The following FCHSD1 variants were observed in gnomAD, a reference collection of about 807,000 sequenced individuals.
The protein encoded by FCHSD1 is FCH and double SH3 domains 1.
FCHSD1 carries 109 observed loss-of-function variants against 101.3 expected under a neutral mutation model. The ratio of observed to expected loss-of-function variants is 1.08; its 90% CI spans 0.92 to 1.26. The LOEUF is 1.26. Ranked by LOEUF, FCHSD1 falls within the 50% of genes most tolerant of loss-of-function variation. The pLI is 0.00. For synonymous variants in FCHSD1, 291 were observed against 356.8 expected (o/e 0.82, Z 2.08); for missense variants, 820 against 895.8 (o/e 0.92, Z 1.08).
chr5:141,649,065 AAT>A lies in FCHSD1; in HGVS notation c.513-47_513-46del. 3.1e-6 allele frequency: 5 copies of A among 1,613,786 alleles called. No homozygotes were observed. The highest frequency in any genetic ancestry group is 1.3e-5 in the African/African-American group (1 of 74,998). On this transcript the variant is annotated intron_variant, in intron 6 of 19. Coordinates refer to ENST00000435817, the MANE Select transcript of FCHSD1 (RefSeq NM_033449.3). This position sits in a 1 kb window ranked among gnomAD's most constrained non-coding sequence, Gnocchi z 4.1. ...GAGTCAGGCCCACCCCAAGTGGGAG[AAT>A]ATGAGATCAGAGTCAGGCCCAGCTT...
At chr5:141,644,131 A>G (rs973338365) in intron 17 of FCHSD1, 87 bp downstream of exon 17, 1 of 1,239,660 alleles carries the variant, frequency 8.1e-7, no homozygotes, top group South Asian at 1.5e-5. Context: ...GGAGCAGAGG[A>G]GGCATTAAGA....
chr5:141,642,894 C>T, intron 18 of FCHSD1, 107 bp downstream of exon 18: 1 of 1,150,382 alleles, frequency 8.7e-7, no homozygotes, highest in Non-Finnish European at 1.2e-6. Context: ...CTCCACCAAG[C>T]AAGATGCCTG....
Position 141,640,495 on chromosome 5 carries a change from A to G in FCHSD1, c.*1003T>C, listed in dbSNP as rs371336881. 6.3e-5 allele frequency: 102 copies of G among 1,613,750 alleles called. No individual in the cohort carries two copies. In the African/African-American group the frequency reaches 7.2e-4, roughly 11 times the overall value. ...AGGTAATCTCATCTTCCCATCACCT[A>G]CTTAAACTATTTAAGCCTTTCGGCT... is the stretch of plus-strand genomic sequence containing the variant. On this transcript the variant is annotated 3_prime_UTR_variant, in exon 20 of 20. Coordinates refer to ENST00000435817, the MANE Select transcript of FCHSD1 (RefSeq NM_033449.3).
chr5:141,650,874 G>C (rs2099908293), intron 2 of FCHSD1, 146 bp downstream of exon 2: 1 of 727,340 alleles, frequency 1.4e-6, no homozygotes, highest in Admixed American at 2.2e-5. Flanking sequence ...CCAGTATCTG[G>C]AGAGGCCAGG....
Position 141,647,839 on chromosome 5 carries a change from A to ATG in FCHSD1, c.705+127_705+128dup, listed in dbSNP as rs370159358. 8.9e-5 allele frequency: 118 copies of ATG among 1,324,480 alleles called. No homozygotes were observed. In the African/African-American group the frequency reaches 1.6e-3, roughly 18 times the overall value. 82.0% of individuals were successfully genotyped at this position (1,324,480 alleles called of 1,614,324 possible). ...CTAGGAGCAGAACCAGAGTGCATGT[A>ATG]TGTATCATCTACTCACTCTAAACAG... On this transcript the variant is annotated intron_variant, in intron 8 of 19. Coordinates refer to ENST00000435817, the MANE Select transcript of FCHSD1 (RefSeq NM_033449.3).
chr5:141,643,158 C>A, intron 17 of FCHSD1, 70 bp from the exon 18 acceptor site: 1 of 1,240,736 alleles, frequency 8.1e-7, no homozygotes, highest in Non-Finnish European at 1.1e-6. Flanking sequence ...CCTCTCATCC[C>A]ATCTCCAGTT....
At chr5:141,645,742 G>A in intron 13 of FCHSD1, 29 bp downstream of exon 13, 1 of 1,593,306 alleles carries the variant, frequency 6.3e-7, no homozygotes, top group Non-Finnish European at 8.6e-7. Context: ...TTCTAAGTAA[G>A]GATGGGTAGT....
In FCHSD1 at chr5:141,646,156, A is replaced by G; in HGVS notation, c.1080T>C (p.Ala360=). 6.2e-7 allele frequency: 1 copy of G among 1,611,362 alleles called. No homozygotes were observed. Among genetic ancestry groups the G allele is most frequent in the Non-Finnish European group, 8.5e-7 (1 of 1,178,992 alleles). The change falls in exon 12 of 20, where the codon GCT becomes GCC. Residue 360 remains alanine, a synonymous_variant. Transcript: ENST00000435817. ...LQRLEQRRQQ[A]SEREAPSIEQ... is the part of the protein sequence containing the mutation. ...CTATGCTTGGAGCCTCCCGCTCTGA[A>G]GCCTGCTGCCGCCTCTGCTCCAGTC...
In FCHSD1 at chr5:141,644,341, T is replaced by C. The variant is rs1350226349; in HGVS notation, c.1740A>G (p.Gln580=). The change falls in exon 17 of 20, where the codon CAA becomes CAG. Residue 580 remains glutamine, a synonymous_variant. Coordinates refer to ENST00000435817, the MANE Select transcript of FCHSD1 (RefSeq NM_033449.3). The part of the protein sequence containing the change: ...GALIRLLPRA[Q]DGVDDGFWRG... ...TCCAGAAGCCGTCATCTACTCCATC[T>C]TGGGCCCGGGGCAGCAGACGGATGA... 2.0e-5 allele frequency: 33 copies of C among 1,613,834 alleles called. No individual in the cohort carries two copies. The highest frequency in any genetic ancestry group is 2.8e-5 in the Non-Finnish European group (33 of 1,179,874).
chr5:141,649,637 C>T lies in FCHSD1; in HGVS notation c.234-101G>A. 2 of 1,434,466 alleles carry T rather than the reference C, an allele frequency of 1.4e-6. No homozygotes were observed. The highest frequency in any genetic ancestry group is 2.4e-5 in the East Asian group (1 of 41,310). 88.9% of individuals were successfully genotyped at this position (1,434,466 alleles called of 1,614,324 possible). A position where few individuals can be genotyped will look rare whatever the true frequency, so the allele number is the denominator to read the frequency against. On this transcript the variant is annotated intron_variant, in intron 4 of 19. Coordinates refer to ENST00000435817, the MANE Select transcript of FCHSD1 (RefSeq NM_033449.3). The surrounding 1 kb of genome is among the most constrained non-coding windows in gnomAD (Gnocchi z 4.1). Reference sequence around the variant, plus strand: ...GACCAACACCATGGGAGACAGAGTGCTTTCCCATCCTCCCTTGTCTGGGAG... The same window carrying T: ...GACCAACACCATGGGAGACAGAGTGTTTTCCCATCCTCCCTTGTCTGGGAG...
rs1396736347 is a variant in FCHSD1, at chr5:141,640,106, G to C, written c.*1392C>G. 3.7e-6 allele frequency: 6 copies of C among 1,613,860 alleles called. No individual in the cohort carries two copies. The highest frequency in any genetic ancestry group is 4.2e-6 in the Non-Finnish European group (5 of 1,179,888). On this transcript the variant is annotated 3_prime_UTR_variant, in exon 20 of 20. Coordinates refer to ENST00000435817, the MANE Select transcript of FCHSD1 (RefSeq NM_033449.3). Reference sequence around the variant, plus strand: ...TGCCCCCTGAGAGGCCACAGCCCCAGGTCCTAGCCAGCCCCCCAGTACAGA... The same window carrying C: ...TGCCCCCTGAGAGGCCACAGCCCCACGTCCTAGCCAGCCCCCCAGTACAGA...
chr5:141,642,907 GGC>G, intron 18 of FCHSD1, 92 bp downstream of exon 18: 1 of 1,277,816 alleles, frequency 7.8e-7, no homozygotes, highest in East Asian at 2.6e-5. Context: ...GATGCCTGAA[GGC>G]ACGGAGAGGA....
rs1224593066 is a variant in FCHSD1, at chr5:141,639,472, C to T, written c.*2026G>A. On this transcript the variant is annotated 3_prime_UTR_variant, in exon 20 of 20. Transcript: ENST00000435817. This position sits in a 1 kb window ranked among gnomAD's most constrained non-coding sequence, Gnocchi z 4.4. ...TCCTCCCTGCTGTCCAGTGTGGATGCCACCTCCAGCCTGCAGGACGGAGCC... is the reference window on the plus strand; with the variant it reads ...TCCTCCCTGCTGTCCAGTGTGGATGTCACCTCCAGCCTGCAGGACGGAGCC... 11 of 1,610,138 alleles carry T rather than the reference C, an allele frequency of 6.8e-6. No individual in the cohort carries two copies. Among genetic ancestry groups the T allele is most frequent in the Non-Finnish European group, 9.3e-6 (11 of 1,177,426 alleles).
chr5:141,640,814 G>GACCTCTCCTGA lies in FCHSD1; in HGVS notation c.*683_*684insTCAGGAGAGGT. 1.3e-6 allele frequency: 1 copy of GACCTCTCCTGA among 780,112 alleles called. No homozygotes were observed. Among genetic ancestry groups the GACCTCTCCTGA allele is most frequent in the Non-Finnish European group, 2.0e-6 (1 of 499,128 alleles). 48.3% of individuals were successfully genotyped at this position (780,112 alleles called of 1,614,324 possible). ...CCTGGAGTTGCACAGTCTCAGGCTG[G>GACCTCTCCTGA]GGGCCTCAGGAGAGGTCACAGCCCC... is the stretch of plus-strand genomic sequence containing the variant. On this transcript the variant is annotated 3_prime_UTR_variant, in exon 20 of 20. Transcript: ENST00000435817.
chr5:141,651,006 G>GT lies in FCHSD1; in HGVS notation c.119+13dup. ...ACGAAGGTGAGTGTAAATGAAGGGG[G>GT]TTGGGGGAGCTACCTGATGTCCTCC... On this transcript the variant is annotated intron_variant, in intron 2 of 19. Transcript: ENST00000435817. 6.4e-7 allele frequency: 1 copy of GT among 1,570,454 alleles called. No individual in the cohort carries two copies. The highest frequency in any genetic ancestry group is 1.4e-5 in the African/African-American group (1 of 74,028).
chr5:141,646,603 C>T lies in FCHSD1; in HGVS notation c.1044G>A (p.Arg348=). The T allele has an allele frequency of 1.2e-6, 2 of 1,611,540 alleles. No individual in the cohort carries two copies. Among genetic ancestry groups the T allele is most frequent in the Non-Finnish European group, 1.7e-6 (2 of 1,178,994 alleles). Reference sequence around the variant, plus strand: ...TGACACCTGTGCCCCCCCACCTCACCCGATGCCCATGGTTCTGGATCTTGT... The same window carrying T: ...TGACACCTGTGCCCCCCCACCTCACTCGATGCCCATGGTTCTGGATCTTGT... ...RDYKIQNHGH[R]VLQRLEQRRQ... Residue 348 remains arginine, a splice_region_variant and synonymous_variant, in exon 11 of 20, where the codon CGG becomes CGA. Coordinates refer to ENST00000435817, the MANE Select transcript of FCHSD1 (RefSeq NM_033449.3).
rs757997759 is a variant in FCHSD1 at position 141,648,135 on chromosome 5, C to T, written c.577-39G>A. ...CTGATGTCAATAGGAAGCCCTAGACCCCCAGAGTCCTTCCAAGACCAATTG... is the reference window on the plus strand; with the variant it reads ...CTGATGTCAATAGGAAGCCCTAGACTCCCAGAGTCCTTCCAAGACCAATTG... On this transcript the variant is annotated intron_variant, in intron 7 of 19. Coordinates refer to ENST00000435817, the MANE Select transcript of FCHSD1 (RefSeq NM_033449.3). The T allele has an allele frequency of 1.9e-6, 3 of 1,565,962 alleles. No individual in the cohort carries two copies. In the South Asian group the frequency reaches 3.6e-5, roughly 19 times the overall value.
chr5:141,647,032 G>C, intron 10 of FCHSD1, 103 bp downstream of exon 10: 1 of 1,145,082 alleles, frequency 8.7e-7, no homozygotes, highest in Non-Finnish European at 1.2e-6. Flanking sequence ...CCCTCTCCAC[G>C]GTGTACACTC....
chr5:141,647,011 G>T, intron 10 of FCHSD1, 124 bp downstream of exon 10: 1 of 1,010,614 alleles, frequency 9.9e-7, no homozygotes, highest in Non-Finnish European at 1.4e-6. Context: ...GTGAGCTGGA[G>T]TTCTGAAACC....
Sources: gnomAD v4.1 joint callset for allele counts on GRCh38, gnomAD v4.1.1 for gene constraint, Gnocchi (gnomAD v3.1) non-coding constraint, MANE v1.5 for transcripts, NCBI Gene and HGNC (gene_info 2026-07-23, HGNC 2026-07-21) for gene names.